CEP112: variants seen among roughly 807,000 people sequenced by gnomAD.
CEP112 encodes centrosomal protein of 112 kDa.
Under a neutral mutation model 153.0 loss-of-function variants are expected in CEP112, and 127 were observed. That is an observed-to-expected ratio of 0.83 (90% CI 0.72 to 0.96). The LOEUF (loss-of-function observed/expected upper bound fraction) is 0.96, where lower values mean the gene tolerates loss of function less well. CEP112 is among the 40% of genes least tolerant of loss of function. The probability of loss-of-function intolerance (pLI) is 0.00; values close to 1 mark genes in which losing one functional copy is unlikely to be tolerated. For synonymous variants in CEP112, 358 were observed against 374.4 expected, an observed-to-expected ratio of 0.96 and a Z score of 0.51; for missense variants, 1,089 against 1,101.2, an observed-to-expected ratio of 0.99 and a Z score of 0.16.
chr17:65,797,552 T>A (rs1036249675), intron 21 of CEP112, among the ~76,000 whole-genome samples: 1 of 152,256 alleles, frequency 6.6e-6, no homozygotes, highest in African/African-American at 2.4e-5. Flanking sequence ...TTCATCAAAA[T>A]GTCTTGCTTT....
intron 4 of CEP112, among the ~76,000 whole-genome samples, chr17:66,148,514 T>G (rs117834991): frequency 6.6e-6 from 1 of 152,174 alleles, no homozygotes; most frequent in African/African-American, 2.4e-5. Context: ...CATTCATTGG[T>G]GTCTTTTTAG....
At chr17:65,956,184 A>G (rs1462314267) in intron 18 of CEP112, among the ~76,000 whole-genome samples, 2 of 152,128 alleles carry the variant, frequency 1.3e-5, no homozygotes, top group African/African-American at 2.4e-5. Context: ...ACTATGGAAA[A>G]CACTGTAGAG....
Position 66,150,778 on chromosome 17 carries a change from G to A in CEP112, c.471-18015C>T, listed in dbSNP as rs573078610. On this transcript the variant is annotated intron_variant, in intron 4 of 26. Transcript: ENST00000535342. ...GTCAAGTTGCTCCATCAATTCCCAA[G>A]AAAAGGAATAATAAATGCAATAATG... Among the ~76,000 whole-genome samples, 22 of 152,262 alleles carry A rather than the reference G, an allele frequency of 1.4e-4. No homozygotes were observed. The East Asian group carries it at 3.3e-3, about 23-fold the overall frequency.
chr17:65,733,385 ATG>A (rs1446048871), intron 23 of CEP112, among the ~76,000 whole-genome samples: 4 of 152,216 alleles, frequency 2.6e-5, no homozygotes, highest in Non-Finnish European at 5.9e-5. Context: ...AATTACCAAA[ATG>A]TGACACAGAG....
At chr17:65,943,424 CAT>C in intron 18 of CEP112, among the ~76,000 whole-genome samples, 1 of 152,132 alleles carries the variant, frequency 6.6e-6, no homozygotes, top group Non-Finnish European at 1.5e-5. Flanking sequence ...ACAAGCCTAA[CAT>C]ATCTATTTGT....
rs568291509 is a variant in CEP112, at chr17:65,717,128, G to A, written c.2607+25940C>T. Reference sequence around the variant, plus strand: ...ATTCCTAGAAAAATGCTACTTTTATGACTGGGCTCTCATTGGGAAATATAA... The same window carrying A: ...ATTCCTAGAAAAATGCTACTTTTATAACTGGGCTCTCATTGGGAAATATAA... On this transcript the variant is annotated intron_variant, in intron 23 of 26. Transcript: ENST00000535342. Among the ~76,000 whole-genome samples the A allele has an allele frequency of 5.3e-4, 80 of 152,286 alleles. No homozygotes were observed. In the South Asian group the frequency reaches 0.016, roughly 30 times the overall value.
At chr17:65,856,975 T>G (rs958228442) in intron 20 of CEP112, among the ~76,000 whole-genome samples, 92 of 152,352 alleles carry the variant, frequency 6.0e-4, no homozygotes, top group African/African-American at 2.0e-3. Context: ...ATTGTGTGTT[T>G]GGTTCCCGAC....
At chr17:66,093,383 T>A (rs184726657) in intron 8 of CEP112, among the ~76,000 whole-genome samples, 36 of 151,578 alleles carry the variant, frequency 2.4e-4, no homozygotes, top group Admixed American at 9.9e-4. Context: ...AAGGAACGAG[T>A]GAAATGGTCT....
chr17:66,083,076 T>C (rs1240174459), intron 8 of CEP112, among the ~76,000 whole-genome samples: 2 of 152,136 alleles, frequency 1.3e-5, no homozygotes, highest in African/African-American at 2.4e-5. Flanking sequence ...ATGACTGATA[T>C]GGTTTGGCTG....
chr17:66,166,286 T>C (rs76877944), intron 4 of CEP112, among the ~76,000 whole-genome samples: 2,498 of 152,286 alleles, frequency 0.016, 62 homozygotes, highest in African/African-American at 0.056. Flanking sequence ...TGTAAAGCAG[T>C]GTTTAAAGGT....
intron 18 of CEP112, among the ~76,000 whole-genome samples, chr17:65,958,869 A>G (rs528790807): frequency 6.6e-6 from 1 of 152,222 alleles, no homozygotes; most frequent in South Asian, 2.1e-4. Context: ...GGGCCTCCCC[A>G]TGGCCACCCA....
chr17:65,973,899 A>G (rs1292423096), intron 17 of CEP112, among the ~76,000 whole-genome samples: 1 of 152,218 alleles, frequency 6.6e-6, no homozygotes, highest in Admixed American at 6.5e-5. Context: ...TTATTGTATG[A>G]CAATTCTAAC....
chr17:65,745,837 A>C lies in CEP112; in HGVS notation c.2458-2620T>G, dbSNP rs76182603. ...TTGTAACTGACCAAAGAATAAAGAT[A>C]AAAATATCCTGGGATACTTCAAACG... On this transcript the variant is annotated intron_variant, in intron 22 of 26. Coordinates refer to ENST00000535342, the MANE Select transcript of CEP112 (RefSeq NM_001199165.4). 3.8e-3 allele frequency among the ~76,000 whole-genome samples: 579 copies of C among 152,336 alleles called. 5 individuals are homozygous for C. Among genetic ancestry groups the C allele is most frequent in the African/African-American group, 0.013 (559 of 41,566 alleles).
At chr17:65,787,206 A>C (rs1207905536) in intron 21 of CEP112, among the ~76,000 whole-genome samples, 1 of 152,190 alleles carries the variant, frequency 6.6e-6, no homozygotes, top group Admixed American at 6.5e-5. Context: ...TAGGCCAGGC[A>C]CAGTGGCTCA....
intron 6 of CEP112, among the ~76,000 whole-genome samples, chr17:66,121,128 A>AATT (rs2069563727): frequency 6.6e-6 from 1 of 151,894 alleles, no homozygotes; most frequent in Admixed American, 6.6e-5. Flanking sequence ...AAAATACAAA[A>AATT]AGTTAGGCGT....
At chr17:66,030,113 TA>T in intron 12 of CEP112, 90 bp from the exon 13 acceptor site, 1 of 997,132 alleles carries the variant, frequency 1.0e-6, no homozygotes, top group Non-Finnish European at 1.4e-6. Context: ...GTATAATCTA[TA>T]AGAATAAATA....
chr17:65,782,337 A>G (rs1451181703), intron 21 of CEP112, among the ~76,000 whole-genome samples: 1 of 152,108 alleles, frequency 6.6e-6, no homozygotes, highest in African/African-American at 2.4e-5. Context: ...TAAAAAGTCA[A>G]AAAACATGTT....
At chr17:66,093,986 T>C (rs1278093038) in intron 8 of CEP112, among the ~76,000 whole-genome samples, 1 of 152,152 alleles carries the variant, frequency 6.6e-6, no homozygotes, top group Non-Finnish European at 1.5e-5. Context: ...CACACAGACC[T>C]AATGAAACAG....
At chr17:65,869,526 C>T (rs541184353) in intron 20 of CEP112, among the ~76,000 whole-genome samples, 1 of 150,164 alleles carries the variant, frequency 6.7e-6, no homozygotes, top group East Asian at 2.0e-4. Context: ...TAGTAAACTA[C>T]AAGATGAAGG....
Sources: allele counts gnomAD v4.1 joint callset (sites outside exome capture counted in the v4.1 genomes callset), GRCh38; gene constraint gnomAD v4.1.1; transcripts MANE v1.5; gene names NCBI Gene and HGNC (gene_info 2026-07-23, HGNC 2026-07-21).